CNTNAP4: variants seen among roughly 807,000 people sequenced by gnomAD.
CNTNAP4 encodes the protein contactin-associated protein-like 4.
Under a neutral mutation model 148.4 loss-of-function variants are expected in CNTNAP4, and 98 were observed. That is an observed-to-expected ratio of 0.66 (90% CI 0.56 to 0.78). The LOEUF is 0.78. Ranked by LOEUF, CNTNAP4 falls within the 30% of genes least tolerant of loss-of-function variation. The pLI is 0.00. For synonymous variants in CNTNAP4, 730 were observed against 565.1 expected (o/e 1.29, Z -4.14); for missense variants, 1,935 against 1,565.6 (o/e 1.24, Z -3.98).
At chr16:76,531,282 T>C (rs1212249544) in intron 17 of CNTNAP4, among the ~76,000 whole-genome samples, 2 of 152,150 alleles carry the variant, frequency 1.3e-5, no homozygotes, top group African/African-American at 4.8e-5. Context: ...AAAATTGGCA[T>C]AGGAAAGAAC....
At chr16:76,369,296 C>G (rs1280780910) in intron 3 of CNTNAP4, among the ~76,000 whole-genome samples, 1 of 152,144 alleles carries the variant, frequency 6.6e-6, no homozygotes, top group Non-Finnish European at 1.5e-5. Context: ...TTTTAAGCTA[C>G]TGCATCACAC....
intron 17 of CNTNAP4, among the ~76,000 whole-genome samples, chr16:76,527,091 G>A (rs911681611): frequency 6.6e-6 from 1 of 152,124 alleles, no homozygotes; most frequent in South Asian, 2.1e-4. Context: ...CAAGCCATAA[G>A]CTTGCCAGGC....
At chr16:76,490,214 C>G (rs189063452) in intron 13 of CNTNAP4, among the ~76,000 whole-genome samples, 7 of 152,230 alleles carry the variant, frequency 4.6e-5, no homozygotes, top group African/African-American at 7.2e-5. Context: ...GCAAGTGACA[C>G]ATAAGGTTTA....
At chr16:76,452,836 T>C (rs1274045685) in intron 8 of CNTNAP4, 67 bp downstream of exon 8, 2 of 1,370,740 alleles carry the variant, frequency 1.5e-6, no homozygotes, top group African/African-American at 2.9e-5. Context: ...TGTGGCCAAA[T>C]TTTATGCATA....
chr16:76,532,958 C>T (rs960121476), intron 17 of CNTNAP4, among the ~76,000 whole-genome samples: 1 of 152,078 alleles, frequency 6.6e-6, no homozygotes, highest in African/African-American at 2.4e-5. Flanking sequence ...AATAGAACTA[C>T]AATGTGATCC....
chr16:76,395,433 T>A (rs2078166966), intron 3 of CNTNAP4, among the ~76,000 whole-genome samples: 1 of 150,922 alleles, frequency 6.6e-6, no homozygotes, highest in African/African-American at 2.5e-5. Context: ...ACTGGGCTAA[T>A]TTTTTGTATT....
intron 4 of CNTNAP4, among the ~76,000 whole-genome samples, chr16:76,445,260 C>T (rs1444250011): frequency 6.6e-6 from 1 of 152,140 alleles, no homozygotes; most frequent in Non-Finnish European, 1.5e-5. Flanking sequence ...GTGACTCCAG[C>T]CTTCTGTTAC....
At chr16:76,409,168 CTG>C (rs930090576) in intron 3 of CNTNAP4, among the ~76,000 whole-genome samples, 7 of 151,938 alleles carry the variant, frequency 4.6e-5, no homozygotes, top group African/African-American at 1.7e-4. Context: ...AGCCCTAATA[CTG>C]TGTCATCAGA....
At chr16:76,537,708 T>C (rs2084271304) in intron 18 of CNTNAP4, among the ~76,000 whole-genome samples, 1 of 152,144 alleles carries the variant, frequency 6.6e-6, no homozygotes, top group African/African-American at 2.4e-5. Context: ...ACATCCTTCC[T>C]TCCTAACTAT....
chr16:76,358,960 A>T (rs2013061411), intron 3 of CNTNAP4, among the ~76,000 whole-genome samples: 1 of 152,028 alleles, frequency 6.6e-6, no homozygotes, highest in Non-Finnish European at 1.5e-5. Flanking sequence ...TTCCATAGTT[A>T]CTCTGGTCCC....
intron 8 of CNTNAP4, among the ~76,000 whole-genome samples, chr16:76,461,733 C>T (rs2080970073): frequency 6.6e-6 from 1 of 152,110 alleles, no homozygotes. Flanking sequence ...AATATTGTAA[C>T]CATCCAGGAT....
At chr16:76,519,301 A>C (rs959749456) in intron 15 of CNTNAP4, among the ~76,000 whole-genome samples, 1 of 152,164 alleles carries the variant, frequency 6.6e-6, no homozygotes, top group African/African-American at 2.4e-5. Context: ...CATTGCTTTA[A>C]AGACATTCAT....
chr16:76,493,825 A>G (rs1347344189), intron 13 of CNTNAP4, among the ~76,000 whole-genome samples: 1 of 152,194 alleles, frequency 6.6e-6, no homozygotes, highest in Non-Finnish European at 1.5e-5. Context: ...CCAGACTGGC[A>G]TGTATAGTAA....
intron 3 of CNTNAP4, among the ~76,000 whole-genome samples, chr16:76,420,388 G>A (rs564124251): frequency 1.3e-3 from 197 of 151,876 alleles, no homozygotes; most frequent in South Asian, 7.1e-3. Flanking sequence ...GGCCTAGAAG[G>A]CTATCTTTCT....
chr16:76,531,795 A>G (rs1014468654), intron 17 of CNTNAP4, among the ~76,000 whole-genome samples: 1 of 152,154 alleles, frequency 6.6e-6, no homozygotes, highest in African/African-American at 2.4e-5. Flanking sequence ...TTCTAAATAC[A>G]TGTATGACAC....
intron 2 of CNTNAP4, among the ~76,000 whole-genome samples, chr16:76,346,568 A>T (rs573961556): frequency 1.3e-4 from 20 of 152,328 alleles, no homozygotes; most frequent in African/African-American, 4.8e-4. Context: ...ATCTAAATCA[A>T]AACTTTCAGA....
intron 4 of CNTNAP4, among the ~76,000 whole-genome samples, chr16:76,437,529 G>A (rs2079876047): frequency 6.6e-6 from 1 of 152,066 alleles, no homozygotes; most frequent in Non-Finnish European, 1.5e-5. Flanking sequence ...GTATCAAAAA[G>A]GATAGTAACT....
chr16:76,452,145 T>C (rs1461546538), intron 7 of CNTNAP4, among the ~76,000 whole-genome samples: 1 of 152,162 alleles, frequency 6.6e-6, no homozygotes, highest in Non-Finnish European at 1.5e-5. Context: ...GCTTTTGTTA[T>C]TTCATTCATT....
At chr16:76,354,083 G>A (rs2012236665) in intron 2 of CNTNAP4, among the ~76,000 whole-genome samples, 1 of 152,106 alleles carries the variant, frequency 6.6e-6, no homozygotes, top group Non-Finnish European at 1.5e-5. Context: ...CAAAAGAATG[G>A]GGGAAGAAAA....
Sources: allele counts gnomAD v4.1 joint callset (sites outside exome capture counted in the v4.1 genomes callset), GRCh38; gene constraint gnomAD v4.1.1; transcripts MANE v1.5; gene names NCBI Gene and HGNC (gene_info 2026-07-23, HGNC 2026-07-21).